Variants in FBXL5 observed in about 807,000 individuals in gnomAD.
FBXL5 encodes F-box and leucine rich repeat protein 5, also known as F-box/LRR-repeat protein 5.
In FBXL5, 26 loss-of-function variants were observed where a neutral mutation model predicts 78.3. The observed-to-expected ratio is 0.33, with a 90% CI of 0.24 to 0.46. FBXL5 has a LOEUF of 0.46. FBXL5 is among the 20% of genes least tolerant of loss of function. The pLI, the probability that FBXL5 is intolerant of heterozygous loss-of-function variation, is 1.00. For missense variants in FBXL5, 710 were observed against 829.2 expected, an observed-to-expected ratio of 0.86 and a Z score of 1.77; for synonymous variants, 295 against 282.5, an observed-to-expected ratio of 1.04 and a Z score of -0.45.
intron 2 of FBXL5, among the ~76,000 whole-genome samples, chr4:15,642,368 G>T (rs1277574003): frequency 1.3e-5 from 2 of 151,868 alleles, no homozygotes; most frequent in East Asian, 3.9e-4. Flanking sequence ...GAGTAGCTGG[G>T]ACTACAGGTG....
At chr4:15,638,994 A>G (rs4698406) in intron 3 of FBXL5, among the ~76,000 whole-genome samples, 105,661 of 151,894 alleles carry the variant, frequency 0.7, 36,967 homozygotes, top group East Asian at 0.81. Context: ...GAAAAACGCC[A>G]TCTCTACTAA....
chr4:15,645,247 T>C (rs1033563929), intron 1 of FBXL5, among the ~76,000 whole-genome samples: 24 of 152,222 alleles, frequency 1.6e-4, no homozygotes, highest in African/African-American at 4.6e-4. Context: ...ACAGATGACA[T>C]AGAAGCTCCT....
chr4:15,629,837 C>T (rs563897819), intron 6 of FBXL5, among the ~76,000 whole-genome samples: 45 of 152,236 alleles, frequency 3.0e-4, no homozygotes, highest in African/African-American at 1.0e-3. Context: ...TTAATTCTTT[C>T]GCCAGACCAA....
At chr4:15,613,883 C>T (rs1455737408) in intron 9 of FBXL5, among the ~76,000 whole-genome samples, 4 of 151,888 alleles carry the variant, frequency 2.6e-5, no homozygotes, top group Non-Finnish European at 5.9e-5. Flanking sequence ...ATTCACCTTT[C>T]TCTGGTGCCT....
At chr4:15,655,159 T>A in intron 1 of FBXL5, 45 bp downstream of exon 1, 1 of 1,332,962 alleles carries the variant, frequency 7.5e-7, no homozygotes, top group East Asian at 3.6e-5. Flanking sequence ...CCGCTCCCCA[T>A]CGCCGCCCGC....
intron 3 of FBXL5, among the ~76,000 whole-genome samples, chr4:15,640,261 T>G (rs1019280839): frequency 6.6e-6 from 1 of 151,938 alleles, no homozygotes; most frequent in Non-Finnish European, 1.5e-5. Context: ...AGGCTGGTCT[T>G]GAACTCGTGA....
chr4:15,626,527 A>T (rs1560220072), intron 8 of FBXL5, among the ~76,000 whole-genome samples: 1 of 152,254 alleles, frequency 6.6e-6, no homozygotes, highest in Non-Finnish European at 1.5e-5. Flanking sequence ...ATTTCAGAGT[A>T]ACTGTGAAGA....
At chr4:15,630,933 T>C in intron 5 of FBXL5, 142 bp from the exon 6 acceptor site, 1 of 1,015,342 alleles carries the variant, frequency 9.8e-7, no homozygotes, top group Middle Eastern at 2.3e-4. Context: ...TTTTTTTTAA[T>C]ACTTTTAAGT....
intron 1 of FBXL5, among the ~76,000 whole-genome samples, chr4:15,647,284 CAAAAAACAA>C (rs1385440946): frequency 7.5e-6 from 1 of 134,152 alleles, no homozygotes; most frequent in Non-Finnish European, 1.6e-5. Flanking sequence ...ACAACAACAA[CAAAAAACAA>C]TATAACAACT....
intron 1 of FBXL5, among the ~76,000 whole-genome samples, chr4:15,653,754 C>T (rs370141867): frequency 1.3e-5 from 2 of 152,174 alleles, no homozygotes; most frequent in African/African-American, 2.4e-5. Flanking sequence ...CAGGGATATA[C>T]CCTCTTGCTT....
rs566976039 is a variant in FBXL5 at position 15,642,217 on chromosome 4, G to A, written c.301-1334C>T. On this transcript the variant is annotated intron_variant, in intron 2 of 10. Coordinates refer to ENST00000341285, the MANE Select transcript of FBXL5 (RefSeq NM_012161.4). ...TTCTATATCAGCCCTCTCAAAGCATGTGGAAAATTTATAAAATAATGAAAA... is the reference window on the plus strand; with the variant it reads ...TTCTATATCAGCCCTCTCAAAGCATATGGAAAATTTATAAAATAATGAAAA... Among the ~76,000 whole-genome samples, 6 of 150,974 alleles carry A rather than the reference G, an allele frequency of 4.0e-5. No individual in the cohort carries two copies. In the South Asian group the frequency reaches 8.4e-4, roughly 21 times the overall value.
chr4:15,639,359 G>A (rs1191648700), intron 3 of FBXL5, among the ~76,000 whole-genome samples: 1 of 152,166 alleles, frequency 6.6e-6, no homozygotes, highest in Admixed American at 6.5e-5. Context: ...CACCCAAACA[G>A]GGCCTCTGCC....
chr4:15,634,354 A>C (rs539683038), intron 5 of FBXL5, among the ~76,000 whole-genome samples: 10 of 136,800 alleles, frequency 7.3e-5, no homozygotes, highest in African/African-American at 2.6e-4. Flanking sequence ...ATGTCTGACT[A>C]ATTTTTTTTC....
intron 5 of FBXL5, among the ~76,000 whole-genome samples, chr4:15,633,698 ATT>A (rs1713928400): frequency 6.6e-6 from 1 of 152,178 alleles, no homozygotes; most frequent in Non-Finnish European, 1.5e-5. Flanking sequence ...GACTGAAGTG[ATT>A]CTTGTGCCTC....
chr4:15,634,565 C>T (rs1392431472), intron 5 of FBXL5, among the ~76,000 whole-genome samples: 17 of 152,016 alleles, frequency 1.1e-4, no homozygotes, highest in African/African-American at 3.9e-4. Context: ...CAGGGTTTCA[C>T]CATGTTGGCC....
intron 1 of FBXL5, among the ~76,000 whole-genome samples, chr4:15,677,073 G>A (rs1464476707): frequency 3.9e-5 from 6 of 152,106 alleles, no homozygotes; most frequent in Non-Finnish European, 7.4e-5. Flanking sequence ...GCTAGATAGC[G>A]TTAAAACTAT....
intron 4 of FBXL5, 150 bp downstream of exon 4, chr4:15,638,358 A>G: frequency 2.0e-6 from 1 of 495,858 alleles, no homozygotes; most frequent in South Asian, 4.2e-5. Context: ...CATCGTCTTC[A>G]ATTAAATTGA....
intron 1 of FBXL5, among the ~76,000 whole-genome samples, chr4:15,648,633 G>A (rs1244957730): frequency 6.6e-6 from 1 of 152,166 alleles, no homozygotes; most frequent in East Asian, 1.9e-4. Flanking sequence ...GATAAATAAT[G>A]TATGATCTCA....
At chr4:15,679,489 C>G in intron 1 of FBXL5, among the ~76,000 whole-genome samples, 1 of 149,184 alleles carries the variant, frequency 6.7e-6, no homozygotes, top group East Asian at 2.0e-4. Context: ...AGATTTTGAT[C>G]ACAAGAGATT....
Sources: gnomAD v4.1 joint callset for allele counts (sites outside exome capture counted in the v4.1 genomes callset) on GRCh38, gnomAD v4.1.1 for gene constraint, MANE v1.5 for transcripts, NCBI Gene and HGNC (gene_info 2026-07-23, HGNC 2026-07-21) for gene names.